The following SEC14L3 variants were observed in gnomAD, a reference collection of about 807,000 sequenced individuals.
The protein encoded by SEC14L3 is SEC14 like lipid binding 3.
A neutral mutation model predicts 57.4 loss-of-function variants in SEC14L3; 56 were observed. The observed-to-expected ratio is 0.97, with a 90% CI of 0.79 to 1.22. The LOEUF is 1.22. SEC14L3 is among the 50% of genes most tolerant of loss of function. SEC14L3 has a pLI of 0.00. For missense variants in SEC14L3, 485 were observed against 511.7 expected (o/e 0.95, Z 0.50); for synonymous variants, 173 against 194.4 (o/e 0.89, Z 0.92).
At chr22:30,467,103 T>C (rs780178484) in intron 5 of SEC14L3, 26 bp from the exon 6 acceptor site, 39 of 1,613,620 alleles carry the variant, frequency 2.4e-5, no homozygotes, top group Non-Finnish European at 3.1e-5. Context: ...CAAGAAGTAG[T>C]TCTGGAGTTC....
intron 4 of SEC14L3, 74 bp downstream of exon 4, chr22:30,469,945 C>A: frequency 8.5e-7 from 1 of 1,171,740 alleles, no homozygotes; most frequent in African/African-American, 1.5e-5. Context: ...GCTTGCTGCC[C>A]CTCATTCATG....
intron 2 of SEC14L3, 77 bp downstream of exon 2, chr22:30,470,430 T>C: frequency 2.5e-6 from 4 of 1,607,110 alleles, no homozygotes; most frequent in Non-Finnish European, 3.4e-6. Context: ...CTGAGAGCCA[T>C]GAGACACTCT....
At chr22:30,460,979 C>T (rs1046790493) in intron 11 of SEC14L3, among the ~76,000 whole-genome samples, 3 of 152,214 alleles carry the variant, frequency 2.0e-5, no homozygotes, top group Non-Finnish European at 4.4e-5. Flanking sequence ...TGGAACCACA[C>T]TCAGCTTTGT....
At chr22:30,463,441 G>C (rs1208316238) in intron 8 of SEC14L3, among the ~76,000 whole-genome samples, 1 of 152,204 alleles carries the variant, frequency 6.6e-6, no homozygotes, top group Non-Finnish European at 1.5e-5. Flanking sequence ...CAAATGAGCA[G>C]AGTCACATGG....
At chr22:30,468,452 C>T (rs532510258) in intron 5 of SEC14L3, 56 bp downstream of exon 5, 3 of 1,339,456 alleles carry the variant, frequency 2.2e-6, no homozygotes, top group Admixed American at 1.8e-5. Context: ...TGAGACCAAT[C>T]CCCCCGGCAG....
downstream of SEC14L3, among the ~76,000 whole-genome samples, chr22:30,457,032 C>T (rs947117253): frequency 6.6e-5 from 10 of 152,210 alleles, no homozygotes; most frequent in African/African-American, 2.2e-4. Context: ...AACAGCACTG[C>T]TCATCTTAGT....
At chr22:30,449,731 A>G (rs1279994864) in intron 12 of SEC14L3, among the ~76,000 whole-genome samples, 1 of 151,624 alleles carries the variant, frequency 6.6e-6, no homozygotes, top group Non-Finnish European at 1.5e-5. Flanking sequence ...TGCCCAACTA[A>G]TTTTTGTATT....
downstream of SEC14L3, among the ~76,000 whole-genome samples, chr22:30,455,765 G>A (rs1022992122): frequency 1.3e-5 from 2 of 152,188 alleles, no homozygotes; most frequent in African/African-American, 4.8e-5. Context: ...TCGCCTTTTG[G>A]CCTCAGCAGA....
chr22:30,454,562 A>AT (rs1935050013), downstream of SEC14L3, among the ~76,000 whole-genome samples: 1 of 55,684 alleles, frequency 1.8e-5, no homozygotes, highest in Non-Finnish European at 3.6e-5. Context: ...ATCTATAATA[A>AT]TATTATATAT....
chr22:30,461,820 C>T (rs112417502), intron 9 of SEC14L3, 126 bp from the exon 10 acceptor site: 4 of 1,344,136 alleles, frequency 3.0e-6, no homozygotes, highest in African/African-American at 1.4e-5. Flanking sequence ...CTCCCACCTC[C>T]TCAAGCCTTC....
Position 30,460,042 on chromosome 22 carries a change from A to G in SEC14L3, c.1182T>C (p.Asp394=), listed in dbSNP as rs935441292. 6.2e-7 allele frequency: 1 copy of G among 1,613,928 alleles called. No homozygotes were observed. Among genetic ancestry groups the G allele is most frequent in the African/African-American group, 1.3e-5 (1 of 74,830 alleles). ...LLPDEGMQKY[D]KELTPV ...CCACCTAGACAGGGGTGAGCTCCTT[A>G]TCATATTTCTGCATGCCCTCGTCAG... Residue 394 remains aspartate, a synonymous_variant, in exon 12 of 12, where the codon GAT becomes GAC. Transcript: ENST00000215812.
downstream of SEC14L3, chr22:30,459,118 A>G (rs1383711684): frequency 3.5e-6 from 1 of 285,334 alleles, no homozygotes; most frequent in East Asian, 1.7e-4. Flanking sequence ...CACCCCTCTG[A>G]GCCTCCATTT....
At chr22:30,470,108 C>T in intron 3 of SEC14L3, 30 bp from the exon 4 acceptor site, 1 of 1,608,778 alleles carries the variant, frequency 6.2e-7, no homozygotes, top group Admixed American at 1.7e-5. Context: ...TAAGATCCCA[C>T]TGGGCTCCCA....
Position 30,459,321 on chromosome 22 carries a change from A to T in SEC14L3, c.*700T>A. On this transcript the variant is annotated 3_prime_UTR_variant, in exon 12 of 12. Coordinates refer to ENST00000215812, the MANE Select transcript of SEC14L3 (RefSeq NM_174975.5). ...AACATAAGCTATGTGCAACAAGGGA[A>T]GTGGGTTAGGGTGGGAAGCTGAGCG... 1 of 985,450 alleles carries T rather than the reference A, an allele frequency of 1.0e-6. No homozygotes were observed. Among genetic ancestry groups the T allele is most frequent in the East Asian group, 1.1e-4 (1 of 8,818 alleles). 61.0% of individuals were successfully genotyped at this position (985,450 alleles called of 1,614,324 possible). A position where few individuals can be genotyped will look rare whatever the true frequency, so the allele number is the denominator to read the frequency against.
At chr22:30,455,618 C>G (rs1187194628), downstream of SEC14L3, among the ~76,000 whole-genome samples, 1 of 152,136 alleles carries the variant, frequency 6.6e-6, no homozygotes, top group Non-Finnish European at 1.5e-5. Context: ...TTGTGACATG[C>G]ATTTGTGGTC....
At chr22:30,467,509 T>C (rs1935459698) in intron 5 of SEC14L3, among the ~76,000 whole-genome samples, 2 of 152,336 alleles carry the variant, frequency 1.3e-5, no homozygotes, top group African/African-American at 4.8e-5. Flanking sequence ...TTTTTGTCCT[T>C]AAAAAGTTCA....
Position 30,459,711 on chromosome 22 carries a change from C to T in SEC14L3, c.*310G>A. The T allele has an allele frequency of 9.5e-7, 1 of 1,055,444 alleles. No individual in the cohort carries two copies. Among genetic ancestry groups the T allele is most frequent in the South Asian group, 4.0e-5 (1 of 25,096 alleles). The allele number at this position is 1,055,444 out of a possible 1,614,324, so 65.4% of individuals were successfully genotyped here. A position where few individuals can be genotyped will look rare whatever the true frequency, so the allele number is the denominator to read the frequency against. ...ACGGAAGGAATTCAAGCATACACAC[C>T]TGCCTTAGGGTAGGTGAGGACAAAG... On this transcript the variant is annotated 3_prime_UTR_variant, in exon 12 of 12. Transcript: ENST00000215812.
Position 30,459,879 on chromosome 22 carries a change from T to A in SEC14L3, c.*142A>T. The A allele has an allele frequency of 2.1e-6, 3 of 1,416,696 alleles. No individual in the cohort carries two copies. Among genetic ancestry groups the A allele is most frequent in the Non-Finnish European group, 1.9e-6 (2 of 1,080,926 alleles). The allele number at this position is 1,416,696 out of a possible 1,614,324, so 87.8% of individuals were successfully genotyped here. A position where few individuals can be genotyped will look rare whatever the true frequency, so the allele number is the denominator to read the frequency against. ...TCTTGATCTGACCACAGTAGATGAG[T>A]TTTCCCCAGGGCATCTCTTTCTGTA... On this transcript the variant is annotated 3_prime_UTR_variant, in exon 12 of 12. Transcript: ENST00000215812.
chr22:30,456,839 T>TG (rs1935128045), downstream of SEC14L3, among the ~76,000 whole-genome samples: 1 of 152,180 alleles, frequency 6.6e-6, no homozygotes, highest in African/African-American at 2.4e-5. Flanking sequence ...AGCTGGAGCT[T>TG]GGGAAGCCTG....
Sources: allele counts gnomAD v4.1 joint callset (sites outside exome capture counted in the v4.1 genomes callset), GRCh38; gene constraint gnomAD v4.1.1; transcripts MANE v1.5; gene names NCBI Gene and HGNC (gene_info 2026-07-23, HGNC 2026-07-21).